Variants in SPECC1 observed in about 807,000 individuals in gnomAD.
SPECC1 encodes cytospin-B.
SPECC1 carries 62 observed loss-of-function variants against 104.1 expected under a neutral mutation model. The observed-to-expected ratio is 0.60, with a 90% CI of 0.49 to 0.74. The LOEUF is 0.74. Ranked by LOEUF, SPECC1 falls within the 30% of genes least tolerant of loss-of-function variation. The probability of loss-of-function intolerance (pLI) is 0.00; values close to 1 mark genes in which losing one functional copy is unlikely to be tolerated. For synonymous variants in SPECC1, 513 were observed against 501.6 expected, an observed-to-expected ratio of 1.02 and a Z score of -0.30; for missense variants, 1,306 against 1,310.5, an observed-to-expected ratio of 1.00 and a Z score of 0.05.
chr17:20,167,200 T>C (rs941472333), intron 3 of SPECC1, among the ~76,000 whole-genome samples: 16 of 148,178 alleles, frequency 1.1e-4, no homozygotes, highest in Non-Finnish European at 2.2e-4. Context: ...TACATATATG[T>C]GTTTATATAT....
chr17:20,062,145 C>G (rs1299052041), intron 1 of SPECC1, among the ~76,000 whole-genome samples: 1 of 150,832 alleles, frequency 6.6e-6, no homozygotes, highest in Non-Finnish European at 1.5e-5. Flanking sequence ...CCCAGCTACT[C>G]GAGAGGCTGA....
chr17:20,122,723 TCA>T (rs145675921), intron 3 of SPECC1, among the ~76,000 whole-genome samples: 2,874 of 152,268 alleles, frequency 0.019, 91 homozygotes, highest in African/African-American at 0.065. Context: ...AGGAGTGGCA[TCA>T]CACAGTGTTT....
chr17:20,074,642 T>A (rs2046686055), intron 1 of SPECC1, among the ~76,000 whole-genome samples: 1 of 152,108 alleles, frequency 6.6e-6, no homozygotes, highest in Non-Finnish European at 1.5e-5. Context: ...AACTCACTGG[T>A]GTGGCTGCTT....
chr17:20,110,397 A>C, intron 2 of SPECC1, 30 bp from the exon 3 acceptor site: 1 of 1,585,758 alleles, frequency 6.3e-7, no homozygotes, highest in Non-Finnish European at 8.6e-7. Flanking sequence ...CCACCTCTTC[A>C]TCCTCTCTCT....
At position 20,215,986 on chromosome 17, in the gene SPECC1, G is replaced by GA. The variant is rs756402969; in HGVS notation, c.1863+10077dup. Among the ~76,000 whole-genome samples the GA allele has an allele frequency of 3.9e-5, 6 of 152,330 alleles. No homozygotes were observed. In the South Asian group the frequency reaches 1.0e-3, roughly 26 times the overall value. On this transcript the variant is annotated intron_variant, in intron 4 of 14. Coordinates refer to ENST00000395527, the MANE Select transcript of SPECC1 (RefSeq NM_001243439.2). Reference sequence around the variant, plus strand: ...TCAAATTATCTGGTATCAAAAAACAGAAACCCTTAAGTAACTTCACAGCTT... The same window carrying GA: ...TCAAATTATCTGGTATCAAAAAACAGAAAACCCTTAAGTAACTTCACAGCTT...
intron 3 of SPECC1, among the ~76,000 whole-genome samples, chr17:20,126,822 T>G (rs955456421): frequency 2.0e-5 from 3 of 152,374 alleles, no homozygotes; most frequent in African/African-American, 7.2e-5. Flanking sequence ...GTTTTACATG[T>G]TAAGTCTTCT....
rs538339429 is a variant in SPECC1, at chr17:20,026,983, T to C, written c.-22+17559T>C. Among the ~76,000 whole-genome samples, 14 of 152,296 alleles carry C rather than the reference T, an allele frequency of 9.2e-5. No individual in the cohort carries two copies. The East Asian group carries it at 2.7e-3, about 29-fold the overall frequency. ...TCTTTTTGATAGTAGCCATTCTAAC[T>C]GGAGTGAGAGGATATCTCATAGTGG... On this transcript the variant is annotated intron_variant, in intron 1 of 14. Transcript: ENST00000395527.
intron 3 of SPECC1, among the ~76,000 whole-genome samples, chr17:20,195,561 T>G (rs1468800579): frequency 3.8e-4 from 6 of 15,634 alleles, no homozygotes; most frequent in Non-Finnish European, 5.5e-4. Context: ...TAAAACCCAA[T>G]TTTTTTTTTT....
intron 12 of SPECC1, among the ~76,000 whole-genome samples, chr17:20,288,323 T>C (rs2041030133): frequency 6.6e-6 from 1 of 152,178 alleles, no homozygotes; most frequent in Non-Finnish European, 1.5e-5. Flanking sequence ...ATAGGATTGC[T>C]GGGTCAAATG....
intron 4 of SPECC1, 98 bp downstream of exon 4, chr17:20,206,010 G>C (rs144916348): frequency 2.0e-4 from 286 of 1,463,898 alleles, no homozygotes; most frequent in Non-Finnish European, 2.6e-4. Context: ...CATTTGCTTA[G>C]TCTGTTTCAT....
chr17:20,119,525 C>T (rs182796926), intron 3 of SPECC1, among the ~76,000 whole-genome samples: 2 of 152,400 alleles, frequency 1.3e-5, no homozygotes, highest in East Asian at 3.9e-4. Context: ...AGCCACCACA[C>T]CCAGCCAAGA....
intron 7 of SPECC1, chr17:20,238,696 A>G: frequency 9.6e-7 from 1 of 1,040,032 alleles, no homozygotes; most frequent in Non-Finnish European, 1.2e-6. Flanking sequence ...TCTTTACCTC[A>G]GATTCAGAGT....
At chr17:20,277,868 G>A (rs756554259) in intron 12 of SPECC1, among the ~76,000 whole-genome samples, 15 of 152,184 alleles carry the variant, frequency 9.9e-5, no homozygotes, top group African/African-American at 2.4e-4. Context: ...TCAGCACAGC[G>A]TCCTCAGGCC....
chr17:20,036,434 T>C (rs142537359), intron 1 of SPECC1, among the ~76,000 whole-genome samples: 15 of 152,290 alleles, frequency 9.8e-5, no homozygotes, highest in Non-Finnish European at 1.8e-4. Context: ...CTGGCCAAAA[T>C]CATGTGTTTT....
intron 1 of SPECC1, among the ~76,000 whole-genome samples, chr17:20,028,043 TC>T (rs2044662938): frequency 3.3e-5 from 5 of 152,246 alleles, no homozygotes; most frequent in Admixed American, 3.3e-4. Context: ...AGTTTTACAG[TC>T]GTAACTCTTA....
intron 1 of SPECC1, among the ~76,000 whole-genome samples, chr17:20,029,419 C>G (rs9900393): frequency 0.069 from 10,517 of 152,140 alleles, 987 homozygotes; most frequent in African/African-American, 0.21. Flanking sequence ...TTAGTAGTTC[C>G]CTTAGGATTT....
intron 3 of SPECC1, among the ~76,000 whole-genome samples, chr17:20,114,262 G>A (rs2048641340): frequency 6.6e-6 from 1 of 152,080 alleles, no homozygotes; most frequent in South Asian, 2.1e-4. Context: ...CGCAATCTTG[G>A]CTCACTGCAA....
At position 20,090,536 on chromosome 17, in the gene SPECC1, C is replaced by T. The variant is rs578101447; in HGVS notation, c.-21-6095C>T. On this transcript the variant is annotated intron_variant, in intron 1 of 14. Transcript: ENST00000395527. ...TAGATATGAAAGTCTCTGGTTCCCTCCTATACTGTAGTTTTTATTCTGTTT... is the reference window on the plus strand; with the variant it reads ...TAGATATGAAAGTCTCTGGTTCCCTTCTATACTGTAGTTTTTATTCTGTTT... Among the ~76,000 whole-genome samples, 24 of 151,832 alleles carry T rather than the reference C, an allele frequency of 1.6e-4. 1 individual carries two copies. Among genetic ancestry groups the T allele is most frequent in the African/African-American group, 5.8e-4 (24 of 41,384 alleles).
chr17:20,010,027 G>A (rs1346920079), intron 1 of SPECC1: 2 of 152,202 alleles, frequency 1.3e-5, no homozygotes, highest in African/African-American at 4.8e-5. Context: ...GCACCTGGAA[G>A]GCCCGGGGGC....
Sources: gnomAD v4.1 joint callset for allele counts (sites outside exome capture counted in the v4.1 genomes callset) on GRCh38, gnomAD v4.1.1 for gene constraint, MANE v1.5 for transcripts, NCBI Gene and HGNC (gene_info 2026-07-23, HGNC 2026-07-21) for gene names.